Variants in MARS1 observed in about 807,000 individuals in gnomAD.
The protein encoded by MARS1 is methionine--tRNA ligase, cytoplasmic.
In MARS1, 80 loss-of-function variants were observed where a neutral mutation model predicts 119.5. That is an observed-to-expected ratio of 0.67 (90% CI 0.56 to 0.81). The LOEUF is 0.81. MARS1 is among the 30% of genes least tolerant of loss of function. The pLI is 0.00. For missense variants in MARS1, 945 were observed against 1,116.5 expected, an observed-to-expected ratio of 0.85 and a Z score of 2.19; for synonymous variants, 418 against 433.4, an observed-to-expected ratio of 0.96 and a Z score of 0.44.
chr12:57,511,688 GT>G lies in MARS1; in HGVS notation c.1369-8del, dbSNP rs1565650279. 2 of 1,613,840 alleles carry G rather than the reference GT, an allele frequency of 1.2e-6. No homozygotes were observed. Among genetic ancestry groups the G allele is most frequent in the Admixed American group, 3.3e-5 (2 of 60,022 alleles). On this transcript the variant is annotated splice_polypyrimidine_tract_variant and intron_variant, in intron 11 of 20. Coordinates refer to ENST00000262027, the MANE Select transcript of MARS1 (RefSeq NM_004990.4). ...TTTCCTAAATCAGCCCTCTTTCTCC[GT>G]TATCTCAGCTGGAGAAGCGACTGGA...
chr12:57,512,696 A>G, intron 14 of MARS1, 55 bp from the exon 15 acceptor site: 4 of 1,354,628 alleles, frequency 3.0e-6, no homozygotes, highest in Non-Finnish European at 3.2e-6. Flanking sequence ...AGTGGGCTAG[A>G]GAGGGGAAGG....
At chr12:57,494,144 C>G (rs1024948602) in intron 7 of MARS1, among the ~76,000 whole-genome samples, 1 of 145,872 alleles carries the variant, frequency 6.9e-6, no homozygotes, top group East Asian at 2.0e-4. Flanking sequence ...TTGGTAGAGA[C>G]AAGGTTTCAC....
intron 6 of MARS1, 53 bp downstream of exon 6, chr12:57,490,432 G>A: frequency 6.2e-7 from 1 of 1,610,342 alleles, no homozygotes; most frequent in African/African-American, 1.3e-5. Flanking sequence ...GCTAGGAGAT[G>A]GACTTTGAGC....
chr12:57,505,952 A>G (rs1186146781), intron 11 of MARS1, among the ~76,000 whole-genome samples: 1 of 151,906 alleles, frequency 6.6e-6, no homozygotes, highest in Non-Finnish European at 1.5e-5. Context: ...TGACTCTACA[A>G]ACAGTGAAAC....
At chr12:57,500,021 A>C (rs1227236786) in intron 9 of MARS1, 8 of 366,032 alleles carry the variant, frequency 2.2e-5, no homozygotes, top group Non-Finnish European at 3.6e-5. Context: ...GAACAGGCAC[A>C]GTCCTATCCT....
chr12:57,504,336 G>C (rs761429774), intron 11 of MARS1, 37 bp downstream of exon 11: 1 of 1,543,468 alleles, frequency 6.5e-7, no homozygotes, highest in East Asian at 2.2e-5. Context: ...TTTTCAGGAG[G>C]CCTCTTCTGT....
At chr12:57,501,624 A>T (rs987672586) in intron 10 of MARS1, among the ~76,000 whole-genome samples, 24 of 152,080 alleles carry the variant, frequency 1.6e-4, no homozygotes, top group Admixed American at 5.2e-4. Flanking sequence ...GTTTGAGACC[A>T]GCCTGGCCAA....
chr12:57,505,676 G>A (rs768886882), intron 11 of MARS1, among the ~76,000 whole-genome samples: 5 of 152,090 alleles, frequency 3.3e-5, no homozygotes, highest in Non-Finnish European at 7.4e-5. Flanking sequence ...GCCGGGTATG[G>A]TGGTGCGATC....
At chr12:57,502,723 GCAAC>G (rs1565645922) in intron 10 of MARS1, among the ~76,000 whole-genome samples, 1 of 87,760 alleles carries the variant, frequency 1.1e-5, no homozygotes, top group African/African-American at 4.1e-5. Flanking sequence ...AAAAAAAAAA[GCAAC>G]AACAACAAAA....
chr12:57,488,267 G>C (rs1438243234), intron 1 of MARS1, 68 bp downstream of exon 1: 3 of 1,466,166 alleles, frequency 2.0e-6, no homozygotes, highest in South Asian at 1.2e-5. Flanking sequence ...ATTCTCTGCA[G>C]CTGTCTTTGC....
rs759581069 is a variant in MARS1 at position 57,515,114 on chromosome 12, T to C, written c.2205-36T>C. ...ATAAAGTGGCTTGTAAGCTGTATCC[T>C]CCTGGAGGTCTTGACTAATGTCTCC... On this transcript the variant is annotated intron_variant, in intron 17 of 20. Coordinates refer to ENST00000262027, the MANE Select transcript of MARS1 (RefSeq NM_004990.4). 5 of 1,614,046 alleles carry C rather than the reference T, an allele frequency of 3.1e-6. No homozygotes were observed. The Admixed American group carries it at 6.7e-5, about 22-fold the overall frequency.
At chr12:57,514,223 T>A (rs1383697521) in intron 15 of MARS1, among the ~76,000 whole-genome samples, 2 of 147,496 alleles carry the variant, frequency 1.4e-5, no homozygotes, top group African/African-American at 5.0e-5. Flanking sequence ...AGTGGCGCGA[T>A]CTTGGCTCAC....
rs543491157 is a variant in MARS1, at chr12:57,495,079, C to T, written c.771-3078C>T. The stretch of plus-strand genomic sequence containing the variant: ...GGGGCTCCTCACTTCCCAGACAGGG[C>T]GGCCGGGCAGAGGTGCCCCCCCACC... On this transcript the variant is annotated intron_variant, in intron 7 of 20. Coordinates refer to ENST00000262027, the MANE Select transcript of MARS1 (RefSeq NM_004990.4). Among the ~76,000 whole-genome samples, 56 of 150,896 alleles carry T rather than the reference C, an allele frequency of 3.7e-4. No individual in the cohort carries two copies. The South Asian group carries it at 5.2e-3, about 14-fold the overall frequency.
intron 11 of MARS1, among the ~76,000 whole-genome samples, chr12:57,505,601 A>C (rs1379584371): frequency 2.6e-5 from 4 of 152,032 alleles, no homozygotes; most frequent in Non-Finnish European, 5.9e-5. Context: ...TCTTGATGCC[A>C]GGAGTTGGAG....
At position 57,515,324 on chromosome 12, in the gene MARS1, C is replaced by G; in HGVS notation, c.2379C>G (p.His793Gln). 6.2e-7 allele frequency: 1 copy of G among 1,612,892 alleles called. No homozygotes were observed. Among genetic ancestry groups the G allele is most frequent in the South Asian group, 1.1e-5 (1 of 91,080 alleles). ...TCCTGTGTACCTTACCAGCAGGACA[C>G]CAGATTGGCACAGTAGGTGGAAGAG... The part of the protein sequence containing the change: ...TNFLCTLPAG[H>Q]QIGTVSPLFQ... Residue 793 changes from histidine (H) to glutamine (Q), a missense_variant, in exon 18 of 21, where the codon CAC becomes CAG. Physicochemically the swap from His to Gln is conservative, Grantham distance 24 (BLOSUM62 0). Coordinates refer to ENST00000262027, the MANE Select transcript of MARS1 (RefSeq NM_004990.4).
At chr12:57,502,096 GA>G (rs1365364577) in intron 10 of MARS1, among the ~76,000 whole-genome samples, 1 of 152,146 alleles carries the variant, frequency 6.6e-6, no homozygotes, top group Non-Finnish European at 1.5e-5. Context: ...ACTAGAAATG[GA>G]AAAGAAAAAA....
intron 5 of MARS1, 92 bp from the exon 6 acceptor site, chr12:57,490,115 A>T: frequency 2.7e-6 from 4 of 1,495,126 alleles, no homozygotes; most frequent in Non-Finnish European, 3.7e-6. Flanking sequence ...GGGGAAAGCA[A>T]CTGGAGAAAC....
chr12:57,498,586 GAT>G lies in MARS1; in HGVS notation c.1057_1058del (p.Ile353PhefsTer37). 2 of 1,614,180 alleles carry G rather than the reference GAT, an allele frequency of 1.2e-6. No homozygotes were observed. The highest frequency in any genetic ancestry group is 1.7e-6 in the Non-Finnish European group (2 of 1,180,030). On this transcript the variant is annotated frameshift_variant, in exon 9 of 21. Coordinates refer to ENST00000262027, the MANE Select transcript of MARS1 (RefSeq NM_004990.4). LOFTEE classifies it high-confidence loss of function. ...DIYRWFNISF[D>X]IFGRTTTPQQ... ...CTACCGCTGGTTTAACATTTCGTTTGATATTTTTGGTCGCACCACCACTCCAC... is the reference window on the plus strand; with the variant it reads ...CTACCGCTGGTTTAACATTTCGTTTGATTTTTGGTCGCACCACCACTCCAC...
intron 16 of MARS1, 44 bp downstream of exon 16, chr12:57,514,895 G>A: frequency 6.2e-7 from 1 of 1,613,282 alleles, no homozygotes; most frequent in Non-Finnish European, 8.5e-7. Flanking sequence ...CATGTTGAGA[G>A]CCTCCTTGTA....
Sources: gnomAD v4.1 joint callset for allele counts (sites outside exome capture counted in the v4.1 genomes callset) on GRCh38, gnomAD v4.1.1 for gene constraint, MANE v1.5 for transcripts, NCBI Gene and HGNC (gene_info 2026-07-23, HGNC 2026-07-21) for gene names.